The following NME7 variants were observed in gnomAD, a reference collection of about 807,000 sequenced individuals.
NME7 encodes the protein NME/NM23 family member 7, also known as nucleoside diphosphate kinase 7.
Under a neutral mutation model 49.1 loss-of-function variants are expected in NME7, and 41 were observed. That is an observed-to-expected ratio of 0.83 (90% CI 0.65 to 1.08). The LOEUF (loss-of-function observed/expected upper bound fraction) is 1.08, where lower values mean the gene tolerates loss of function less well. Among genes scored for constraint, NME7 ranks in the 50% least tolerant of loss-of-function variants. The probability of loss-of-function intolerance (pLI) is 0.00; values close to 1 mark genes in which losing one functional copy is unlikely to be tolerated. For synonymous variants in NME7, 139 were observed against 150.6 expected, an observed-to-expected ratio of 0.92 and a Z score of 0.56; for missense variants, 423 against 463.4, an observed-to-expected ratio of 0.91 and a Z score of 0.80.
intron 10 of NME7, among the ~76,000 whole-genome samples, chr1:169,188,461 G>C (rs558655673): frequency 6.6e-6 from 1 of 152,234 alleles, no homozygotes; most frequent in African/African-American, 2.4e-5. Context: ...TCCTGCCTGG[G>C]TACTCCCTCA....
chr1:169,287,499 CT>C, intron 6 of NME7, 91 bp from the exon 7 acceptor site: 1 of 908,374 alleles, frequency 1.1e-6, no homozygotes, highest in Non-Finnish European at 1.6e-6. Flanking sequence ...CATGCAATTA[CT>C]TTTAGAGTTT....
At chr1:169,154,684 G>A (rs1446091667) in intron 11 of NME7, among the ~76,000 whole-genome samples, 2 of 151,750 alleles carry the variant, frequency 1.3e-5, no homozygotes, top group African/African-American at 4.8e-5. Flanking sequence ...TGCAGTCCCA[G>A]CTACTCAGGA....
At chr1:169,245,683 A>T (rs2101838694) in intron 7 of NME7, among the ~76,000 whole-genome samples, 1 of 152,320 alleles carries the variant, frequency 6.6e-6, no homozygotes, top group South Asian at 2.1e-4. Context: ...TTAAAATTTA[A>T]ATCTAGTGAA....
At chr1:169,153,125 G>A (rs1658957860) in intron 11 of NME7, among the ~76,000 whole-genome samples, 1 of 152,116 alleles carries the variant, frequency 6.6e-6, no homozygotes, top group South Asian at 2.1e-4. Context: ...ACTCATTGGT[G>A]GGGTGATCCT....
In NME7 at chr1:169,323,157, C is replaced by A. The variant is rs778365214; in HGVS notation, c.238G>T (p.Asp80Tyr). ...SRQLVLIDYG[D>Y]QYTARQLGSR... ...CCCAGCTGGCGAGCTGTATATTGAT[C>A]CCCATAGTCAATTAATACCAGTTGT... Residue 80 changes from aspartate to tyrosine, a missense_variant, in exon 3 of 12, where the codon GAT becomes TAT. Physicochemically the swap from Asp to Tyr is radical, Grantham distance 160. Coordinates refer to ENST00000367811, the MANE Select transcript of NME7 (RefSeq NM_013330.5). 34 of 1,606,116 alleles carry A rather than the reference C, an allele frequency of 2.1e-5. No homozygotes were observed. The highest frequency in any genetic ancestry group is 2.4e-5 in the Non-Finnish European group (28 of 1,176,728).
chr1:169,150,763 G>GA lies in NME7; in HGVS notation c.1099-17947dup, dbSNP rs10689301. Among the ~76,000 whole-genome samples, 175 of 124,290 alleles carry GA rather than the reference G, an allele frequency of 1.4e-3. 2 individuals are homozygous for GA. The highest frequency in any genetic ancestry group is 1.6e-3 in the Non-Finnish European group (96 of 59,522). 81.5% of individuals were successfully genotyped at this position (124,290 alleles called of 152,430 possible). A position where few individuals can be genotyped will look rare whatever the true frequency, so the allele number is the denominator to read the frequency against. On this transcript the variant is annotated intron_variant, in intron 11 of 11. Transcript: ENST00000367811. ...ATGATGAGAAGAGAGGCTGGAAAAG[G>GA]AAAAAAAAAAAAAAAAGAGGAGCAA... is the stretch of plus-strand genomic sequence containing the variant.
chr1:169,295,151 T>C (rs1218331179), intron 6 of NME7, among the ~76,000 whole-genome samples: 2 of 152,170 alleles, frequency 1.3e-5, no homozygotes, highest in African/African-American at 2.4e-5. Context: ...CCAATCTTGA[T>C]GTCCCAGCCA....
chr1:169,289,012 GTC>G (rs1650391419), intron 6 of NME7, among the ~76,000 whole-genome samples: 1 of 152,100 alleles, frequency 6.6e-6, no homozygotes, highest in African/African-American at 2.4e-5. Context: ...CAAAAGAAAT[GTC>G]TTTCTTTTCC....
intron 11 of NME7, among the ~76,000 whole-genome samples, chr1:169,141,709 T>TA (rs1446712151): frequency 2.1e-4 from 32 of 152,082 alleles, no homozygotes; most frequent in Non-Finnish European, 4.4e-4. Context: ...ACAAAAATAA[T>TA]AGAGTTAGAA....
At chr1:169,291,359 A>G (rs931247990) in intron 6 of NME7, among the ~76,000 whole-genome samples, 1 of 152,170 alleles carries the variant, frequency 6.6e-6, no homozygotes, top group African/African-American at 2.4e-5. Flanking sequence ...TGTCCTTTGC[A>G]TGGACATGGA....
intron 6 of NME7, among the ~76,000 whole-genome samples, chr1:169,298,002 C>A (rs542839967): frequency 3.3e-5 from 5 of 152,232 alleles, no homozygotes; most frequent in Non-Finnish European, 7.4e-5. Flanking sequence ...TTAAAAACTA[C>A]CTTAAGTGAG....
intron 5 of NME7, among the ~76,000 whole-genome samples, chr1:169,301,105 C>T (rs1182431022): frequency 3.3e-5 from 5 of 151,998 alleles, no homozygotes; most frequent in African/African-American, 4.8e-5. Context: ...AGCTTCTGCA[C>T]AGAAAGCTTC....
At position 169,367,779 on chromosome 1, in the gene NME7, A is replaced by T. The variant is rs1236402211; in HGVS notation, c.-69T>A. The T allele has an allele frequency of 5.6e-6, 9 of 1,599,948 alleles. No homozygotes were observed. Among genetic ancestry groups the T allele is most frequent in the Non-Finnish European group, 2.6e-6 (3 of 1,167,788 alleles). Reference sequence around the variant, plus strand: ...GGAAGACACCACCACCACCACCATCATACGGTTACTCAGGCAACAAAGCCC... The same window carrying T: ...GGAAGACACCACCACCACCACCATCTTACGGTTACTCAGGCAACAAAGCCC... On this transcript the variant is annotated 5_prime_UTR_variant, in exon 1 of 12. It removes an upstream start codon present in the reference 5' UTR. Transcript: ENST00000367811.
chr1:169,343,934 G>A (rs532337404), intron 1 of NME7, among the ~76,000 whole-genome samples: 33 of 152,232 alleles, frequency 2.2e-4, no homozygotes, highest in South Asian at 1.5e-3. Flanking sequence ...GGATCAGCTC[G>A]TCAATTTCTG....
intron 1 of NME7, among the ~76,000 whole-genome samples, chr1:169,340,056 C>T (rs1205148622): frequency 2.0e-5 from 3 of 152,168 alleles, no homozygotes; most frequent in Non-Finnish European, 1.5e-5. Context: ...TTCTCTTACT[C>T]TGCCCATACC....
chr1:169,260,692 T>G lies in NME7; in HGVS notation c.755-23005A>C, dbSNP rs1360541520. On this transcript the variant is annotated intron_variant, in intron 7 of 11. Transcript: ENST00000367811. The stretch of plus-strand genomic sequence containing the variant: ...ATGTTTAATCTGCAGAGGAAAGGGT[T>G]AGGAGGATACATAGAAAACCAGTAC... 1.5e-5 allele frequency among the ~76,000 whole-genome samples: 2 copies of G among 133,480 alleles called. 1 individual carries two copies. Among genetic ancestry groups the G allele is most frequent in the African/African-American group, 5.1e-5 (2 of 39,504 alleles). The allele number at this position is 133,480 out of a possible 152,430, so 87.6% of individuals were successfully genotyped here. A position where few individuals can be genotyped will look rare whatever the true frequency, so the allele number is the denominator to read the frequency against.
rs532544298 is a variant in NME7 at position 169,245,367 on chromosome 1, T to G, written c.755-7680A>C. Among the ~76,000 whole-genome samples the G allele has an allele frequency of 2.6e-5, 4 of 151,442 alleles. No individual in the cohort carries two copies. In the East Asian group the frequency reaches 7.9e-4, roughly 30 times the overall value. On this transcript the variant is annotated intron_variant, in intron 7 of 11. Transcript: ENST00000367811. ...GGACACTTTGGTGAGCAAAACAACT[T>G]ACAAAACTGAAATTTAAAGAAGCGA...
chr1:169,349,946 T>C (rs1482246043), intron 1 of NME7, among the ~76,000 whole-genome samples: 1 of 151,990 alleles, frequency 6.6e-6, no homozygotes, highest in Non-Finnish European at 1.5e-5. Flanking sequence ...ATCCCAGCAC[T>C]TTGGGAGGCC....
chr1:169,150,199 T>C (rs1210305907), intron 11 of NME7, among the ~76,000 whole-genome samples: 7 of 152,124 alleles, frequency 4.6e-5, no homozygotes, highest in African/African-American at 1.7e-4. Flanking sequence ...ATATATTGTC[T>C]CTAATTTACT....
Sources: allele counts gnomAD v4.1 joint callset (sites outside exome capture counted in the v4.1 genomes callset), GRCh38; gene constraint gnomAD v4.1.1; transcripts MANE v1.5; gene names NCBI Gene and HGNC (gene_info 2026-07-23, HGNC 2026-07-21).